The following TBC1D31 variants were observed in gnomAD, a reference collection of about 807,000 sequenced individuals.
The protein encoded by TBC1D31 is WD repeat domain 67.
In TBC1D31, 99 loss-of-function variants were observed where a neutral mutation model predicts 132.9. The ratio of observed to expected loss-of-function variants is 0.74; its 90% CI spans 0.63 to 0.88. The LOEUF is 0.88. Ranked by LOEUF, TBC1D31 falls within the 40% of genes least tolerant of loss-of-function variation. The pLI is 0.00. For synonymous variants in TBC1D31, 385 were observed against 419.4 expected, an observed-to-expected ratio of 0.92 and a Z score of 1.00; for missense variants, 1,134 against 1,256.6, an observed-to-expected ratio of 0.90 and a Z score of 1.48.
intron 21 of TBC1D31, among the ~76,000 whole-genome samples, chr8:123,151,477 C>T (rs1822766564): frequency 2.0e-5 from 3 of 152,158 alleles, no homozygotes; most frequent in Admixed American, 2.0e-4. Context: ...TGCCTTTTCT[C>T]ATTACTATTA....
rs147674904 is a variant in TBC1D31, at chr8:123,104,158, C to T, written c.1033-1130C>T. On this transcript the variant is annotated intron_variant, in intron 7 of 21. Transcript: ENST00000287380. Reference sequence around the variant, plus strand: ...ATAAGGCTCAAACGGGAAATTGTGACATTTTAATAAATTTTAATTTTAATA... The same window carrying T: ...ATAAGGCTCAAACGGGAAATTGTGATATTTTAATAAATTTTAATTTTAATA... 376 of 152,238 alleles carry T rather than the reference C, an allele frequency of 2.5e-3. 1 individual carries two copies. Among genetic ancestry groups the T allele is most frequent in the African/African-American group, 8.4e-3 (347 of 41,548 alleles). 9.4% of individuals were successfully genotyped at this position (152,238 alleles called of 1,614,324 possible).
Position 123,109,634 on chromosome 8 carries a change from A to G in TBC1D31, c.1436+14A>G, listed in dbSNP as rs774517441. On this transcript the variant is annotated intron_variant, in intron 10 of 21. Transcript: ENST00000287380. ...AGTATTACAGAGGTATGTTCTATAT[A>G]TTGCAGCAATGTGTATGAGACCTGT... 1.9e-6 allele frequency: 3 copies of G among 1,585,976 alleles called. No individual in the cohort carries two copies. Among genetic ancestry groups the G allele is most frequent in the South Asian group, 1.1e-5 (1 of 87,192 alleles).
intron 7 of TBC1D31, chr8:123,102,385 GCCT>G (rs1393860669): frequency 8.3e-6 from 3 of 362,690 alleles, no homozygotes; most frequent in African/African-American, 2.2e-5. Flanking sequence ...AAAAGTTTGT[GCCT>G]CCTCCTTTTT....
intron 16 of TBC1D31, among the ~76,000 whole-genome samples, chr8:123,133,319 T>G (rs1820796866): frequency 6.6e-6 from 1 of 152,228 alleles, no homozygotes. Context: ...TGTTCTTGCT[T>G]CACACAATCA....
At chr8:123,118,620 A>C (rs1017341600) in intron 10 of TBC1D31, among the ~76,000 whole-genome samples, 1 of 152,222 alleles carries the variant, frequency 6.6e-6, no homozygotes, top group African/African-American at 2.4e-5. Context: ...TGGTTTCTTT[A>C]ATGTATGAAG....
chr8:123,137,946 A>T (rs1821258417), intron 17 of TBC1D31, among the ~76,000 whole-genome samples: 1 of 152,212 alleles, frequency 6.6e-6, no homozygotes, highest in Non-Finnish European at 1.5e-5. Context: ...TATTGGATAG[A>T]TACTAGTTTC....
At chr8:123,107,818 C>T (rs1469820860) in intron 8 of TBC1D31, among the ~76,000 whole-genome samples, 4 of 152,200 alleles carry the variant, frequency 2.6e-5, no homozygotes, top group Admixed American at 6.5e-5. Context: ...ACTTCTATGG[C>T]ATGAAGTGCA....
At chr8:123,075,095 A>G (rs1814360645) in intron 1 of TBC1D31, 2 of 152,228 alleles carry the variant, frequency 1.3e-5, no homozygotes, top group South Asian at 2.1e-4. Flanking sequence ...ATTTTGAACA[A>G]TGATTGTGTA....
rs1466179062 is a variant in TBC1D31, at chr8:123,150,068, A to G, written c.3007A>G (p.Ser1003Gly). The change falls in exon 21 of 22, where the codon AGC becomes GGC. Residue 1003 changes from serine to glycine, a missense_variant. By Grantham distance (56) the Ser-to-Gly change is moderately conservative. Transcript: ENST00000287380. ...CAGGTTCCAAAATGAACAGGACTCA[A>G]GCTGTTTGCCTAGAACCTCACAATT... ...EPRFQNEQDS[S>G]CLPRTSQLND... The G allele has an allele frequency of 1.2e-6, 2 of 1,614,028 alleles. No homozygotes were observed.
At chr8:123,113,246 C>T (rs1381623898) in intron 10 of TBC1D31, among the ~76,000 whole-genome samples, 1 of 152,032 alleles carries the variant, frequency 6.6e-6, no homozygotes, top group Non-Finnish European at 1.5e-5. Context: ...TTTCCGTATC[C>T]TAGGATTTTA....
the TBC1D31 span, among the ~76,000 whole-genome samples, chr8:123,157,544 A>T: frequency 1.8e-3 from 273 of 152,044 alleles, 1 homozygote; most frequent in Non-Finnish European, 3.1e-3. Context: ...GTGAACCGTT[A>T]TTTTTGTGTA....
intron 5 of TBC1D31, among the ~76,000 whole-genome samples, chr8:123,096,990 A>G (rs982227632): frequency 5.3e-5 from 8 of 152,362 alleles, no homozygotes; most frequent in African/African-American, 1.4e-4. Flanking sequence ...TCAGGTCATT[A>G]AACAAGTGTT....
rs766386715 is a variant in TBC1D31 at position 123,130,261 on chromosome 8, G to T, written c.2334G>T (p.Arg778Ser). ...TGCACTTACAAGATGCTGCAAGAAG[G>T]CGTTTTCTGAAGCTTCAGCAAGATC... ...KEMHLQDAAR[R>S]RFLKLQQDQQ... The change falls in exon 16 of 22, where the codon AGG becomes AGT. Residue 778 changes from arginine (R) to serine (S), a missense_variant. Arg to Ser is a moderately radical substitution (Grantham distance 110). Coordinates refer to ENST00000287380, the MANE Select transcript of TBC1D31 (RefSeq NM_145647.4). 1.2e-6 allele frequency: 2 copies of T among 1,612,962 alleles called. No homozygotes were observed. The highest frequency in any genetic ancestry group is 8.5e-7 in the Non-Finnish European group (1 of 1,179,386).
At chr8:123,113,603 G>A (rs1466060305) in intron 10 of TBC1D31, among the ~76,000 whole-genome samples, 1 of 152,082 alleles carries the variant, frequency 6.6e-6, no homozygotes, top group Non-Finnish European at 1.5e-5. Context: ...ATCATTTGAA[G>A]TTTCTCATAA....
chr8:123,153,860 G>C (rs536824582), downstream of TBC1D31, among the ~76,000 whole-genome samples: 2 of 152,170 alleles, frequency 1.3e-5, no homozygotes, highest in Non-Finnish European at 2.9e-5. Context: ...CATCCATAAA[G>C]TTTCTCTCTG....
At chr8:123,121,393 A>G (rs1247538492) in intron 11 of TBC1D31, among the ~76,000 whole-genome samples, 2 of 152,126 alleles carry the variant, frequency 1.3e-5, no homozygotes, top group Non-Finnish European at 2.9e-5. Flanking sequence ...GGGTTGTCAT[A>G]TGGTTTGGAT....
chr8:123,109,442 A>T (rs1367732643), intron 9 of TBC1D31, 32 bp from the exon 10 acceptor site: 1 of 1,609,344 alleles, frequency 6.2e-7, no homozygotes, highest in Non-Finnish European at 8.5e-7. Context: ...CTCAAAAAAA[A>T]TTGGGGGGAT....
At chr8:123,088,649 T>G (rs1816026676) in intron 4 of TBC1D31, among the ~76,000 whole-genome samples, 2 of 152,264 alleles carry the variant, frequency 1.3e-5, no homozygotes, top group South Asian at 2.1e-4. Flanking sequence ...ACTCATATTT[T>G]TATTACAGAT....
chr8:123,121,206 C>T (rs967975794), intron 11 of TBC1D31, among the ~76,000 whole-genome samples: 2 of 152,144 alleles, frequency 1.3e-5, no homozygotes, highest in African/African-American at 2.4e-5. Context: ...GATCCGCCCA[C>T]CTCGGCCTCC....
Sources: gnomAD v4.1 joint callset for allele counts (sites outside exome capture counted in the v4.1 genomes callset) on GRCh38, gnomAD v4.1.1 for gene constraint, MANE v1.5 for transcripts, NCBI Gene and HGNC (gene_info 2026-07-23, HGNC 2026-07-21) for gene names.